Variants in GRID2 observed in about 807,000 individuals in gnomAD.
GRID2 encodes the protein glutamate receptor ionotropic, delta-2.
GRID2 carries 33 observed loss-of-function variants against 114.8 expected under a neutral mutation model. That is an observed-to-expected ratio of 0.29 (90% CI 0.22 to 0.38). The LOEUF (loss-of-function observed/expected upper bound fraction) is 0.38. Among genes scored for constraint, GRID2 ranks in the 10% least tolerant of loss-of-function variants. GRID2 has a pLI of 1.00. For missense variants in GRID2, 1,184 were observed against 1,257.7 expected (o/e 0.94, Z 0.89); for synonymous variants, 505 against 449.9 (o/e 1.12, Z -1.55).
At chr4:93,804,361 G>T (rs930614552) in intron 1 of GRID2, among the ~76,000 whole-genome samples, 1 of 152,060 alleles carries the variant, frequency 6.6e-6, no homozygotes, top group Non-Finnish European at 1.5e-5. Context: ...AACCTAGATG[G>T]TTTAGCCTAC....
intron 4 of GRID2, among the ~76,000 whole-genome samples, chr4:93,128,047 A>AAAT (rs1560908514): frequency 6.9e-6 from 1 of 145,010 alleles, no homozygotes; most frequent in Admixed American, 6.9e-5. Context: ...AAAAAAAAAA[A>AAAT]AAAAAAAAAA....
chr4:92,817,787 C>A (rs1741006286), intron 2 of GRID2, among the ~76,000 whole-genome samples: 1 of 151,890 alleles, frequency 6.6e-6, no homozygotes, highest in African/African-American at 2.4e-5. Flanking sequence ...CTCCCTTGGC[C>A]TCTCAAAGTG....
chr4:92,737,133 A>G (rs1230103662), intron 2 of GRID2, among the ~76,000 whole-genome samples: 1 of 152,122 alleles, frequency 6.6e-6, no homozygotes, highest in Middle Eastern at 3.2e-3. Context: ...CTTCCACGTG[A>G]CTATTGGCAT....
intron 14 of GRID2, among the ~76,000 whole-genome samples, chr4:93,682,089 TA>T (rs1725612664): frequency 6.6e-6 from 1 of 150,936 alleles, no homozygotes; most frequent in African/African-American, 2.5e-5. Flanking sequence ...TACAAGAAAA[TA>T]ACAAACAACC....
chr4:92,973,007 G>A (rs780544606), intron 2 of GRID2, among the ~76,000 whole-genome samples: 21 of 152,074 alleles, frequency 1.4e-4, no homozygotes, highest in Non-Finnish European at 2.8e-4. Flanking sequence ...CCAGTCTATC[G>A]TTGATGGGAA....
At chr4:92,473,964 T>TTGTGTGTG (rs59328379) in intron 1 of GRID2, among the ~76,000 whole-genome samples, 1,541 of 144,420 alleles carry the variant, frequency 0.011, 15 homozygotes, top group Non-Finnish European at 0.017. Flanking sequence ...GTTATCTTGG[T>TTGTGTGTG]TGTGTGTGTG....
chr4:92,375,470 T>G (rs967712437), intron 1 of GRID2, among the ~76,000 whole-genome samples: 14 of 152,192 alleles, frequency 9.2e-5, no homozygotes, highest in African/African-American at 3.4e-4. Flanking sequence ...TCTACTATTA[T>G]CAGTATTCAT....
chr4:92,786,286 G>C (rs1364060463), intron 2 of GRID2, among the ~76,000 whole-genome samples: 1 of 151,764 alleles, frequency 6.6e-6, no homozygotes, highest in Admixed American at 6.6e-5. Flanking sequence ...AAATTTTACA[G>C]TTCCTTTTTG....
chr4:92,555,766 G>T (rs969046120), intron 1 of GRID2, among the ~76,000 whole-genome samples: 1 of 152,156 alleles, frequency 6.6e-6, no homozygotes, highest in South Asian at 2.1e-4. Flanking sequence ...GTGATGTTGC[G>T]TATTGGACCA....
At chr4:93,770,883 A>G (rs1734055065) in intron 15 of GRID2, among the ~76,000 whole-genome samples, 1 of 152,214 alleles carries the variant, frequency 6.6e-6, no homozygotes, top group African/African-American at 2.4e-5. Flanking sequence ...TATATGTCTC[A>G]ATCCTCTAAA....
intron 1 of GRID2, among the ~76,000 whole-genome samples, chr4:92,511,830 T>A (rs1724265769): frequency 6.6e-6 from 1 of 151,850 alleles, no homozygotes; most frequent in Non-Finnish European, 1.5e-5. Context: ...AATGTAAAAT[T>A]TTCTAGTTTA....
intron 1 of GRID2, among the ~76,000 whole-genome samples, chr4:92,525,951 A>G (rs1308640186): frequency 6.6e-6 from 1 of 152,100 alleles, no homozygotes; most frequent in Non-Finnish European, 1.5e-5. Flanking sequence ...GATAGAAGTG[A>G]TAAGTTTTCA....
chr4:92,937,680 C>T (rs1750768613), intron 2 of GRID2, among the ~76,000 whole-genome samples: 1 of 146,854 alleles, frequency 6.8e-6, no homozygotes, highest in African/African-American at 2.4e-5. Flanking sequence ...CTTTGGGGCT[C>T]CTTGCCTTCC....
chr4:93,506,885 C>A (rs1728684227), intron 12 of GRID2, among the ~76,000 whole-genome samples: 1 of 152,154 alleles, frequency 6.6e-6, no homozygotes, highest in African/African-American at 2.4e-5. Context: ...GGCACCATAA[C>A]AGGAAGGAAG....
chr4:93,490,798 T>G (rs1726922234), intron 12 of GRID2, 21 bp downstream of exon 12: 2 of 1,566,936 alleles, frequency 1.3e-6, no homozygotes, highest in Non-Finnish European at 1.8e-6. Context: ...AATGTTTCCA[T>G]TAGCCACAAA....
At chr4:93,169,060 A>T (rs900013240) in intron 4 of GRID2, among the ~76,000 whole-genome samples, 1 of 151,996 alleles carries the variant, frequency 6.6e-6, no homozygotes. Flanking sequence ...TTTTTAAAAA[A>T]CAGTGAATAA....
chr4:93,797,292 T>C (rs1357882409), intron 1 of GRID2, among the ~76,000 whole-genome samples: 1 of 152,206 alleles, frequency 6.6e-6, no homozygotes, highest in African/African-American at 2.4e-5. Context: ...ATAAGGAAAT[T>C]CCTATTTCTA....
intron 13 of GRID2, among the ~76,000 whole-genome samples, chr4:93,576,590 A>G (rs1736447037): frequency 6.6e-6 from 1 of 152,216 alleles, no homozygotes; most frequent in African/African-American, 2.4e-5. Context: ...AAGCTATTAA[A>G]TTATCTATAT....
At chr4:92,892,385 A>C (rs896470058) in intron 2 of GRID2, among the ~76,000 whole-genome samples, 1 of 152,000 alleles carries the variant, frequency 6.6e-6, no homozygotes, top group Admixed American at 6.6e-5. Flanking sequence ...TGAGAGATAT[A>C]TTTTCTTCAT....
Sources: gnomAD v4.1 joint callset for allele counts (sites outside exome capture counted in the v4.1 genomes callset) on GRCh38, gnomAD v4.1.1 for gene constraint, MANE v1.5 for transcripts, NCBI Gene and HGNC (gene_info 2026-07-23, HGNC 2026-07-21) for gene names.